MCU: variants seen among roughly 807,000 people sequenced by gnomAD.
MCU encodes mitochondrial calcium uniporter, also known as calcium uniporter protein, mitochondrial.
Under a neutral mutation model 45.2 loss-of-function variants are expected in MCU, and 12 were observed. The ratio of observed to expected loss-of-function variants is 0.27; its 90% CI spans 0.17 to 0.43. The LOEUF is 0.43. MCU is among the 20% of genes least tolerant of loss of function. MCU has a pLI of 1.00. For synonymous variants in MCU, 160 were observed against 165.1 expected (o/e 0.97, Z 0.24); for missense variants, 324 against 436.7 (o/e 0.74, Z 2.30).
At chr10:72,755,698 C>T (rs541041566) in intron 1 of MCU, among the ~76,000 whole-genome samples, 10 of 152,270 alleles carry the variant, frequency 6.6e-5, no homozygotes, top group East Asian at 3.9e-4. Flanking sequence ...GCAATTTGAA[C>T]GGCGGAAGCA....
At chr10:72,758,584 A>G (rs1843610887) in intron 1 of MCU, among the ~76,000 whole-genome samples, 1 of 152,058 alleles carries the variant, frequency 6.6e-6, no homozygotes, top group Non-Finnish European at 1.5e-5. Flanking sequence ...TGAATATGCA[A>G]CTTTCAGTTA....
At chr10:72,823,599 ATTAATC>A (rs1466926593) in intron 1 of MCU, among the ~76,000 whole-genome samples, 1 of 152,162 alleles carries the variant, frequency 6.6e-6, no homozygotes, top group Non-Finnish European at 1.5e-5. Flanking sequence ...ATTCTTTGGT[ATTAATC>A]TTAATGTGTT....
rs1437347092 is a variant in MCU at position 72,886,184 on chromosome 10, A to T, written c.*362A>T. 4.8e-5 allele frequency: 8 copies of T among 167,614 alleles called. No individual in the cohort carries two copies. Among genetic ancestry groups the T allele is most frequent in the African/African-American group, 1.9e-4 (8 of 41,980 alleles). The allele number at this position is 167,614 out of a possible 1,614,324, so 10.4% of individuals were successfully genotyped here. A position where few individuals can be genotyped will look rare whatever the true frequency, so the allele number is the denominator to read the frequency against. On this transcript the variant is annotated 3_prime_UTR_variant, in exon 8 of 8. Transcript: ENST00000373053. ...GAGTAACACACCAGCACCCCACTCG[A>T]CTCTATTTGTTTTTAATTTAACTGT...
chr10:72,877,628 A>G (rs1845636969), intron 6 of MCU, among the ~76,000 whole-genome samples: 1 of 152,206 alleles, frequency 6.6e-6, no homozygotes, highest in South Asian at 2.1e-4. Flanking sequence ...CATCTGTTTA[A>G]AGATACTAGA....
At chr10:72,828,447 T>C (rs569537330) in intron 1 of MCU, among the ~76,000 whole-genome samples, 26 of 152,092 alleles carry the variant, frequency 1.7e-4, no homozygotes, top group Non-Finnish European at 2.2e-4. Flanking sequence ...AGGAAATAAC[T>C]TTCCCTCTCT....
intron 5 of MCU, among the ~76,000 whole-genome samples, chr10:72,870,038 A>G (rs1845516202): frequency 6.6e-6 from 1 of 152,208 alleles, no homozygotes; most frequent in African/African-American, 2.4e-5. Flanking sequence ...CCAAAATACT[A>G]GTACAGTAGT....
At chr10:72,885,667 A>G (rs988218039) in intron 7 of MCU, 78 bp from the exon 8 acceptor site, 8 of 886,022 alleles carry the variant, frequency 9.0e-6, no homozygotes, top group Non-Finnish European at 1.3e-5. Flanking sequence ...AATGGAGAAC[A>G]GTTTCCTTTT....
At position 72,814,384 on chromosome 10, in the gene MCU, G is replaced by GT. The variant is rs140279470; in HGVS notation, c.151-19966dup. 2.9e-3 allele frequency among the ~76,000 whole-genome samples: 443 copies of GT among 150,736 alleles called. 1 individual carries two copies. Among genetic ancestry groups the GT allele is most frequent in the South Asian group, 7.8e-3 (37 of 4,760 alleles). On this transcript the variant is annotated intron_variant, in intron 1 of 7. Coordinates refer to ENST00000373053, the MANE Select transcript of MCU (RefSeq NM_138357.3). The stretch of plus-strand genomic sequence containing the variant: ...CACACTGCTGACATTGGAGTTTTTT[G>GT]TTTTTTTTTAATATATCTTTCATTC...
intron 1 of MCU, among the ~76,000 whole-genome samples, chr10:72,696,375 G>C (rs900987975): frequency 6.6e-6 from 1 of 151,212 alleles, no homozygotes; most frequent in Non-Finnish European, 1.5e-5. Flanking sequence ...CCTTTAAATG[G>C]AGACAGATTC....
intron 6 of MCU, among the ~76,000 whole-genome samples, chr10:72,872,373 C>G (rs1303538509): frequency 6.6e-6 from 1 of 152,024 alleles, no homozygotes; most frequent in African/African-American, 2.4e-5. Flanking sequence ...TAATTTTGTA[C>G]CATTAACTAA....
At chr10:72,828,497 C>A (rs1423139853) in intron 1 of MCU, among the ~76,000 whole-genome samples, 3 of 152,066 alleles carry the variant, frequency 2.0e-5, no homozygotes, top group Non-Finnish European at 2.9e-5. Flanking sequence ...TCCCTTCCTC[C>A]CCCTCAGCAT....
At chr10:72,838,574 G>A (rs1412996088) in intron 2 of MCU, among the ~76,000 whole-genome samples, 2 of 152,192 alleles carry the variant, frequency 1.3e-5, no homozygotes, top group Admixed American at 6.5e-5. Flanking sequence ...AAGTCAAGGC[G>A]ACAGTGAGCT....
chr10:72,823,525 A>T (rs1291616256), intron 1 of MCU, among the ~76,000 whole-genome samples: 2 of 152,114 alleles, frequency 1.3e-5, no homozygotes, highest in Non-Finnish European at 2.9e-5. Context: ...TATATGTGAA[A>T]ATCATCTTAA....
At chr10:72,732,507 G>C (rs1229888863) in intron 1 of MCU, among the ~76,000 whole-genome samples, 1 of 152,152 alleles carries the variant, frequency 6.6e-6, no homozygotes, top group South Asian at 2.1e-4. Flanking sequence ...ATATGTGAAA[G>C]AAATTATAAA....
intron 1 of MCU, among the ~76,000 whole-genome samples, chr10:72,774,503 A>G (rs1843860604): frequency 6.6e-6 from 1 of 152,150 alleles, no homozygotes; most frequent in African/African-American, 2.4e-5. Context: ...GTTCAAAACA[A>G]TCAGAAAATA....
At chr10:72,810,957 T>C (rs966741259) in intron 1 of MCU, among the ~76,000 whole-genome samples, 4 of 152,106 alleles carry the variant, frequency 2.6e-5, no homozygotes, top group Non-Finnish European at 5.9e-5. Context: ...ATGGAGATAG[T>C]AGAGAAAGGA....
chr10:72,772,466 G>C (rs186553841), intron 1 of MCU, among the ~76,000 whole-genome samples: 1 of 152,338 alleles, frequency 6.6e-6, no homozygotes, highest in Admixed American at 6.5e-5. Context: ...GGAGGTCAAG[G>C]TGGGCAGATT....
At chr10:72,731,727 A>G (rs937362983) in intron 1 of MCU, among the ~76,000 whole-genome samples, 4 of 152,058 alleles carry the variant, frequency 2.6e-5, no homozygotes, top group African/African-American at 9.7e-5. Flanking sequence ...GCCTTTTGTG[A>G]CTGATTTCTT....
chr10:72,751,605 C>T (rs1013571066), intron 1 of MCU, among the ~76,000 whole-genome samples: 15 of 151,792 alleles, frequency 9.9e-5, no homozygotes, highest in African/African-American at 3.6e-4. Context: ...ATCCGCCCAC[C>T]TTGGCCTCCC....
Sources: gnomAD v4.1 joint callset for allele counts (sites outside exome capture counted in the v4.1 genomes callset) on GRCh38, gnomAD v4.1.1 for gene constraint, MANE v1.5 for transcripts, NCBI Gene and HGNC (gene_info 2026-07-23, HGNC 2026-07-21) for gene names.